Variants in VAV2 observed in about 807,000 individuals in gnomAD.
VAV2 encodes vav guanine nucleotide exchange factor 2.
In VAV2, 67 loss-of-function variants were observed where a neutral mutation model predicts 132.5. The observed-to-expected ratio is 0.51, with a 90% CI of 0.42 to 0.62. The LOEUF (loss-of-function observed/expected upper bound fraction) is 0.62, where lower values mean the gene tolerates loss of function less well. Among genes scored for constraint, VAV2 ranks in the 20% least tolerant of loss-of-function variants. The pLI is 0.00. For missense variants in VAV2, 938 were observed against 1,153.6 expected, an observed-to-expected ratio of 0.81 and a Z score of 2.71; for synonymous variants, 492 against 443.5, an observed-to-expected ratio of 1.11 and a Z score of -1.37.
chr9:133,793,407 C>G (rs1834579360), intron 12 of VAV2, among the ~76,000 whole-genome samples: 1 of 152,148 alleles, frequency 6.6e-6, no homozygotes, highest in African/African-American at 2.4e-5. Context: ...CCATTGGCTC[C>G]CCACCCACCC....
intron 1 of VAV2, among the ~76,000 whole-genome samples, chr9:133,953,520 G>A (rs959469998): frequency 6.6e-6 from 1 of 152,130 alleles, no homozygotes; most frequent in African/African-American, 2.4e-5. Context: ...GGGGCCCTCT[G>A]AAAATGTGGT....
At chr9:133,933,886 A>G (rs796143087) in intron 2 of VAV2, among the ~76,000 whole-genome samples, 42 of 116,372 alleles carry the variant, frequency 3.6e-4, no homozygotes, top group South Asian at 2.5e-3. Flanking sequence ...TGGATGAATG[A>G]TGGATGGATG....
intron 1 of VAV2, among the ~76,000 whole-genome samples, chr9:133,978,036 GTA>G (rs1491222600): frequency 6.6e-6 from 1 of 152,208 alleles, no homozygotes; most frequent in Admixed American, 6.5e-5. Flanking sequence ...TGTCCTACGT[GTA>G]TGAGACAAAT....
At chr9:133,862,596 C>CT (rs534539410) in intron 2 of VAV2, among the ~76,000 whole-genome samples, 82 of 152,330 alleles carry the variant, frequency 5.4e-4, no homozygotes, top group African/African-American at 1.9e-3. Context: ...ACGTGTGTGT[C>CT]TGGGGGTGGG....
chr9:133,769,912 C>T lies in VAV2; in HGVS notation c.2348-409G>A, dbSNP rs542153048. Among the ~76,000 whole-genome samples the T allele has an allele frequency of 1.3e-5, 2 of 152,318 alleles. No individual in the cohort carries two copies. The highest frequency in any genetic ancestry group is 2.1e-4 in the South Asian group (1 of 4,830). On this transcript the variant is annotated intron_variant, in intron 27 of 29. Transcript: ENST00000371850. The surrounding 1 kb of genome is among the most constrained non-coding windows in gnomAD (Gnocchi z 8.1). ...CTGGAGAGAGTCCTGAGCGGGAAGC[C>T]GCATGCTCGGGGCCTGCCCCTGCCC...
At chr9:133,787,125 G>T in intron 16 of VAV2, 121 bp downstream of exon 16, 1 of 1,147,278 alleles carries the variant, frequency 8.7e-7, no homozygotes, top group Non-Finnish European at 1.2e-6. Flanking sequence ...GAGGACGAAG[G>T]ACCAAGAAAA....
At chr9:133,848,279 C>CAAAAAA (rs34908811) in intron 3 of VAV2, among the ~76,000 whole-genome samples, 6 of 48,604 alleles carry the variant, frequency 1.2e-4, no homozygotes, top group Admixed American at 2.0e-4. Context: ...GACTCCGTCT[C>CAAAAAA]AAAAAAAAAA....
intron 2 of VAV2, among the ~76,000 whole-genome samples, chr9:133,870,432 A>C (rs1234928317): frequency 1.3e-5 from 2 of 152,368 alleles, no homozygotes; most frequent in Middle Eastern, 3.4e-3. Context: ...GTCATTTAGA[A>C]GGAAAGAAAA....
At chr9:133,956,791 C>T (rs944670014) in intron 1 of VAV2, among the ~76,000 whole-genome samples, 9 of 152,214 alleles carry the variant, frequency 5.9e-5, no homozygotes, top group East Asian at 3.8e-4. Context: ...CCTCGCCTTC[C>T]GCCCCCACCC....
chr9:133,986,104 G>A (rs896008904), intron 1 of VAV2, among the ~76,000 whole-genome samples: 31 of 152,168 alleles, frequency 2.0e-4, no homozygotes, highest in African/African-American at 5.8e-4. Context: ...CTTTAAGTAC[G>A]TGTTAACAGC....
At chr9:133,920,964 G>A (rs1274107684) in intron 2 of VAV2, among the ~76,000 whole-genome samples, 5 of 152,226 alleles carry the variant, frequency 3.3e-5, no homozygotes, top group South Asian at 4.1e-4. Flanking sequence ...GCTATCGTGC[G>A]GGATCAGAAA....
At chr9:133,904,378 C>T (rs1188351406) in intron 2 of VAV2, among the ~76,000 whole-genome samples, 1 of 152,264 alleles carries the variant, frequency 6.6e-6, no homozygotes, top group African/African-American at 2.4e-5. Context: ...CCAATAAAAG[C>T]GACCATCAAC....
At chr9:133,811,931 CAGA>C (rs1451286297) in intron 5 of VAV2, among the ~76,000 whole-genome samples, 180 bp downstream of exon 5, 2 of 152,218 alleles carry the variant, frequency 1.3e-5, no homozygotes, top group African/African-American at 4.8e-5. Flanking sequence ...GGATGCTCCT[CAGA>C]GGAGCTCCGT....
chr9:133,810,138 CAAG>C, intron 6 of VAV2, 50 bp downstream of exon 6: 1 of 1,611,384 alleles, frequency 6.2e-7, no homozygotes, highest in Non-Finnish European at 8.5e-7. Flanking sequence ...CCTGAAAGGT[CAAG>C]AAGACGGCGC....
In VAV2 at chr9:133,961,705, G is replaced by A. The variant is rs896230098; in HGVS notation, c.205-22486C>T. On this transcript the variant is annotated intron_variant, in intron 1 of 29. Coordinates refer to ENST00000371850, the MANE Select transcript of VAV2 (RefSeq NM_001134398.2). This position sits in a 1 kb window ranked among gnomAD's most constrained non-coding sequence, Gnocchi z 4.1. ...TTGCAAACCCCTAGCCGGTTTGCCT[G>A]CGAACTCCCAAGCCAGCTGCAGAAA... is the stretch of plus-strand genomic sequence containing the variant. Among the ~76,000 whole-genome samples, 10 of 152,150 alleles carry A rather than the reference G, an allele frequency of 6.6e-5. No individual in the cohort carries two copies. The highest frequency in any genetic ancestry group is 4.1e-4 in the South Asian group (2 of 4,824).
At chr9:133,848,162 T>C (rs56868628) in intron 3 of VAV2, among the ~76,000 whole-genome samples, 31,667 of 150,550 alleles carry the variant, frequency 0.21, 3,839 homozygotes, top group African/African-American at 0.34. Flanking sequence ...CGCCTGTAGT[T>C]CCAGCTACTC....
chr9:133,866,496 G>A (rs772952532), intron 2 of VAV2, among the ~76,000 whole-genome samples: 16 of 152,100 alleles, frequency 1.1e-4, no homozygotes, highest in Non-Finnish European at 1.6e-4. Flanking sequence ...GGGCAACTGC[G>A]CTGCGATGAT....
At chr9:133,839,285 C>A (rs1296783927) in intron 3 of VAV2, among the ~76,000 whole-genome samples, 1 of 151,324 alleles carries the variant, frequency 6.6e-6, no homozygotes, top group Non-Finnish European at 1.5e-5. Flanking sequence ...AGTAGTTGGA[C>A]TTTGTGGGCT....
At chr9:133,870,310 C>T (rs1008019925) in intron 2 of VAV2, among the ~76,000 whole-genome samples, 2 of 152,086 alleles carry the variant, frequency 1.3e-5, no homozygotes, top group Non-Finnish European at 2.9e-5. Flanking sequence ...GACAGCTGAG[C>T]GGCAAAATGA....
Sources: gnomAD v4.1 joint callset for allele counts (sites outside exome capture counted in the v4.1 genomes callset) on GRCh38, gnomAD v4.1.1 for gene constraint, Gnocchi (gnomAD v3.1) non-coding constraint, MANE v1.5 for transcripts, NCBI Gene and HGNC (gene_info 2026-07-23, HGNC 2026-07-21) for gene names.